AFF3: variants seen among roughly 807,000 people sequenced by gnomAD.
AFF3 encodes the protein ALF transcription elongation factor 3, also known as AF4/FMR2 family member 3.
Under a neutral mutation model 129.7 loss-of-function variants are expected in AFF3, and 32 were observed. That is an observed-to-expected ratio of 0.25 (90% confidence interval 0.19 to 0.33). The LOEUF (loss-of-function observed/expected upper bound fraction) is 0.33. AFF3 is among the 10% of genes least tolerant of loss of function. The pLI, the probability that AFF3 is intolerant of heterozygous loss-of-function variation, is 1.00. For missense variants in AFF3, 1,373 were observed against 1,592.0 expected (o/e 0.86, Z 2.34); for synonymous variants, 644 against 635.4 (o/e 1.01, Z -0.20).
In AFF3 at chr2:99,601,392, AC is replaced by A. The variant is rs1220385634; in HGVS notation, c.1371+42del. On this transcript the variant is annotated intron_variant, in intron 14 of 24. Coordinates refer to ENST00000672756, the MANE Select transcript of AFF3 (RefSeq NM_001386135.1). ...GCCCGGACTTGCTATCCTCATAGAG[AC>A]AGAAGTGGGCAGAGGAGAGGCCTGA... The A allele has an allele frequency of 3.3e-6, 5 of 1,524,990 alleles. No homozygotes were observed. In the East Asian group the frequency reaches 1.2e-4, roughly 36 times the overall value. 94.5% of individuals were successfully genotyped at this position (1,524,990 alleles called of 1,614,324 possible). A position where few individuals can be genotyped will look rare whatever the true frequency, so the allele number is the denominator to read the frequency against.
At chr2:99,812,617 C>G (rs543017459) in intron 8 of AFF3, among the ~76,000 whole-genome samples, 1 of 152,256 alleles carries the variant, frequency 6.6e-6, no homozygotes, top group African/African-American at 2.4e-5. Context: ...GAGTGTGACT[C>G]CCTTTCTTAA....
At chr2:99,864,310 C>T (rs1469942324) in intron 7 of AFF3, among the ~76,000 whole-genome samples, 1 of 152,152 alleles carries the variant, frequency 6.6e-6, no homozygotes, top group Admixed American at 6.5e-5. Context: ...AGTTTATCTG[C>T]TGATAAAAGT....
chr2:99,704,316 A>C (rs1418004446), intron 11 of AFF3, among the ~76,000 whole-genome samples: 1 of 151,896 alleles, frequency 6.6e-6, no homozygotes, highest in East Asian at 1.9e-4. Context: ...ATCTACTAGA[A>C]ACAAGTTCTC....
At chr2:99,977,597 T>G (rs1679015343) in intron 7 of AFF3, among the ~76,000 whole-genome samples, 1 of 152,236 alleles carries the variant, frequency 6.6e-6, no homozygotes, top group African/African-American at 2.4e-5. Context: ...AACAAACGTC[T>G]CTAAGATTGG....
chr2:100,079,209 GT>G (rs1164888662), intron 4 of AFF3, among the ~76,000 whole-genome samples: 1 of 152,118 alleles, frequency 6.6e-6, no homozygotes, highest in African/African-American at 2.4e-5. Context: ...GCCTCCCAAA[GT>G]GCTGGGATTA....
At chr2:99,760,805 G>T (rs1433424604) in intron 8 of AFF3, among the ~76,000 whole-genome samples, 1 of 152,126 alleles carries the variant, frequency 6.6e-6, no homozygotes, top group Non-Finnish European at 1.5e-5. Flanking sequence ...CCCTTTCTTT[G>T]CTTTGTCTGC....
At chr2:100,030,839 G>A (rs895535035) in intron 4 of AFF3, among the ~76,000 whole-genome samples, 5 of 152,202 alleles carry the variant, frequency 3.3e-5, no homozygotes, top group African/African-American at 9.6e-5. Flanking sequence ...GGACAGGAAG[G>A]TAGAGAAGGT....
intron 2 of AFF3, among the ~76,000 whole-genome samples, chr2:100,120,274 G>A (rs767283590): frequency 1.3e-5 from 2 of 152,066 alleles, no homozygotes; most frequent in African/African-American, 4.8e-5. Flanking sequence ...GCATGAAACC[G>A]TGGTCACAGA....
intron 4 of AFF3, among the ~76,000 whole-genome samples, chr2:100,019,219 A>C (rs559366778): frequency 1.9e-3 from 293 of 152,216 alleles, no homozygotes; most frequent in Non-Finnish European, 3.6e-3. Flanking sequence ...GCTCTTCCCG[A>C]ATCCAACTCG....
intron 7 of AFF3, among the ~76,000 whole-genome samples, chr2:99,998,018 A>C (rs1381920557): frequency 6.6e-6 from 1 of 152,034 alleles, no homozygotes; most frequent in Admixed American, 6.5e-5. Context: ...CTTACTGTCA[A>C]CTGCCAAAAG....
intron 7 of AFF3, among the ~76,000 whole-genome samples, chr2:99,979,037 G>A (rs1188100193): frequency 6.6e-6 from 1 of 152,140 alleles, no homozygotes; most frequent in Non-Finnish European, 1.5e-5. Flanking sequence ...AGAGATCAAC[G>A]CAATGATCTC....
intron 7 of AFF3, among the ~76,000 whole-genome samples, chr2:99,890,173 G>C (rs1268586661): frequency 6.6e-6 from 1 of 152,190 alleles, no homozygotes; most frequent in East Asian, 1.9e-4. Flanking sequence ...TGGGACACCA[G>C]CTCAGCCAGC....
intron 7 of AFF3, among the ~76,000 whole-genome samples, chr2:99,889,785 A>T (rs1693407745): frequency 6.6e-6 from 1 of 152,100 alleles, no homozygotes; most frequent in Admixed American, 6.6e-5. Context: ...CAGCCTCCTG[A>T]GTAGCTGGGA....
At chr2:99,754,117 A>G in intron 8 of AFF3, among the ~76,000 whole-genome samples, 1 of 152,182 alleles carries the variant, frequency 6.6e-6, no homozygotes, top group East Asian at 1.9e-4. Context: ...GCTCCCCCAT[A>G]GGGCCATCTC....
chr2:99,855,324 T>C (rs971077375), intron 7 of AFF3, among the ~76,000 whole-genome samples: 7 of 152,172 alleles, frequency 4.6e-5, no homozygotes, highest in Middle Eastern at 3.2e-3. Flanking sequence ...GTGAGTTATG[T>C]CTTATAAAGC....
intron 13 of AFF3, chr2:99,630,736 T>C: frequency 5.9e-6 from 1 of 168,886 alleles, no homozygotes. Context: ...AGTGCCACCC[T>C]TTTAAAACCA....
intron 15 of AFF3, among the ~76,000 whole-genome samples, chr2:99,588,925 T>C (rs1251806207): frequency 2.6e-5 from 4 of 152,232 alleles, no homozygotes; most frequent in African/African-American, 9.6e-5. Context: ...TTAGATTTTA[T>C]GAGTACAGCC....
chr2:99,686,291 A>G (rs901056318), intron 11 of AFF3, among the ~76,000 whole-genome samples: 1 of 152,202 alleles, frequency 6.6e-6, no homozygotes, highest in Non-Finnish European at 1.5e-5. Context: ...AAAATGACAG[A>G]AAGTCAACTG....
rs11397703 is a variant in AFF3 at position 100,038,373 on chromosome 2, TA to T, written c.54-29442del. ...AAGTTGTCTTATATTTTCCTCAAATTAAAAAAAAAAAAGGGCTCATTTATAA... is the reference window on the plus strand; with the variant it reads ...AAGTTGTCTTATATTTTCCTCAAATTAAAAAAAAAAAGGGCTCATTTATAA... On this transcript the variant is annotated intron_variant, in intron 4 of 24. Transcript: ENST00000672756. Among the ~76,000 whole-genome samples the T allele has an allele frequency of 6.7e-3, 963 of 142,710 alleles. 7 individuals carry two copies. Among genetic ancestry groups the T allele is most frequent in the African/African-American group, 0.017 (646 of 38,740 alleles). The allele number at this position is 142,710 out of a possible 152,430, so 93.6% of individuals were successfully genotyped here.
Sources: gnomAD v4.1 joint callset for allele counts (sites outside exome capture counted in the v4.1 genomes callset) on GRCh38, gnomAD v4.1.1 for gene constraint, MANE v1.5 for transcripts, NCBI Gene and HGNC (gene_info 2026-07-23, HGNC 2026-07-21) for gene names.